Variants in CSTPP1 observed in about 807,000 individuals in gnomAD.
CSTPP1 encodes centriolar satellite-associated tubulin polyglutamylase complex regulator 1.
At chr11:47,112,677 T>A in the CSTPP1 span, among the ~76,000 whole-genome samples, 12 of 152,110 alleles carry the variant, frequency 7.9e-5, no homozygotes, top group Admixed American at 7.9e-4. Context: ...CAAGATAAGC[T>A]CCATGAAGGC....
the CSTPP1 span, chr11:47,155,335 C>T: frequency 7.7e-7 from 1 of 1,300,648 alleles, no homozygotes; most frequent in Admixed American, 1.7e-5. Flanking sequence ...CCCTGCCCAT[C>T]TGTGTGCCTG....
the CSTPP1 span, among the ~76,000 whole-genome samples, chr11:47,049,903 GA>G: frequency 6.6e-6 from 1 of 152,054 alleles, no homozygotes; most frequent in Non-Finnish European, 1.5e-5. Context: ...TAGAAGGTGG[GA>G]AAAGAAGGTG....
chr11:47,133,556 G>T, the CSTPP1 span, among the ~76,000 whole-genome samples: 1 of 152,208 alleles, frequency 6.6e-6, no homozygotes, highest in South Asian at 2.1e-4. Context: ...CCTCTGGCCT[G>T]AGGCTGCTGT....
chr11:47,073,316 G>T, the CSTPP1 span, among the ~76,000 whole-genome samples: 14 of 152,280 alleles, frequency 9.2e-5, no homozygotes, highest in South Asian at 1.7e-3. Context: ...ATGTAATCCG[G>T]TGTCGGGATG....
the CSTPP1 span, among the ~76,000 whole-genome samples, chr11:46,953,140 G>T: frequency 2.6e-5 from 4 of 152,072 alleles, no homozygotes; most frequent in African/African-American, 9.7e-5. Flanking sequence ...GGGCTGCAAG[G>T]CAGGTTGTTA....
the CSTPP1 span, among the ~76,000 whole-genome samples, chr11:47,060,456 T>A: frequency 6.6e-6 from 1 of 151,790 alleles, no homozygotes; most frequent in Non-Finnish European, 1.5e-5. Context: ...TAGGCTGGTC[T>A]CAAACTCCTG....
At chr11:47,005,259 A>G in the CSTPP1 span, among the ~76,000 whole-genome samples, 1 of 152,208 alleles carries the variant, frequency 6.6e-6, no homozygotes, top group Admixed American at 6.5e-5. Context: ...TGATCACTAA[A>G]GCATTCAAAA....
At chr11:46,968,338 T>G in the CSTPP1 span, among the ~76,000 whole-genome samples, 7 of 147,048 alleles carry the variant, frequency 4.8e-5, no homozygotes. Context: ...GGCATAAATA[T>G]ATATATATTT....
chr11:47,101,198 T>TTTTTTTTTTTTG, the CSTPP1 span, among the ~76,000 whole-genome samples: 2 of 138,520 alleles, frequency 1.4e-5, no homozygotes, highest in Admixed American at 7.3e-5. Context: ...TTATTTTATT[T>TTTTTTTTTTTTG]TTAGTAGAGA....
At chr11:46,944,731 TA>T in the CSTPP1 span, among the ~76,000 whole-genome samples, 3 of 152,094 alleles carry the variant, frequency 2.0e-5, no homozygotes, top group South Asian at 4.1e-4. Context: ...GGGTCCCTCC[TA>T]AAGGAGGGAT....
the CSTPP1 span, among the ~76,000 whole-genome samples, chr11:47,039,420 A>G: frequency 7.8e-6 from 1 of 127,576 alleles, no homozygotes; most frequent in African/African-American, 2.5e-5. Context: ...AGGCAGCAGT[A>G]CCGTCCAGCT....
chr11:47,055,891 T>TTTAA, the CSTPP1 span, among the ~76,000 whole-genome samples: 1 of 152,204 alleles, frequency 6.6e-6, no homozygotes, highest in Non-Finnish European at 1.5e-5. Context: ...TGGACTCAAT[T>TTTAA]TTAAGTTAAG....
chr11:46,946,539 T>G, the CSTPP1 span, among the ~76,000 whole-genome samples: 1 of 152,188 alleles, frequency 6.6e-6, no homozygotes, highest in African/African-American at 2.4e-5. Context: ...GCGCCTGTAG[T>G]CCCAGCTACT....
At chr11:47,159,749 T>A in the CSTPP1 span, 1 of 455,804 alleles carries the variant, frequency 2.2e-6, no homozygotes, top group Admixed American at 2.4e-5. Context: ...CTCACGCCTG[T>A]AATCCCAACA....
chr11:47,075,201 A>G, the CSTPP1 span, among the ~76,000 whole-genome samples: 1 of 152,040 alleles, frequency 6.6e-6, no homozygotes, highest in South Asian at 2.1e-4. Flanking sequence ...GTGAAACCCC[A>G]TATCTACTAA....
chr11:47,136,794 C>T, the CSTPP1 span, among the ~76,000 whole-genome samples: 1 of 152,158 alleles, frequency 6.6e-6, no homozygotes, highest in Non-Finnish European at 1.5e-5. Context: ...ATTCGAAATG[C>T]TTTGATATAT....
the CSTPP1 span, among the ~76,000 whole-genome samples, chr11:47,056,756 G>A: frequency 1.3e-5 from 2 of 152,178 alleles, no homozygotes; most frequent in South Asian, 2.1e-4. Context: ...ATTTTAATCC[G>A]GAATTAGTGA....
At chr11:47,164,266 C>CG in the CSTPP1 span, 1 of 1,608,058 alleles carries the variant, frequency 6.2e-7, no homozygotes, top group Non-Finnish European at 8.5e-7. Context: ...CAGGGGCCGG[C>CG]ACTGGGCAGG....
chr11:47,010,414 G>C, the CSTPP1 span, among the ~76,000 whole-genome samples: 7 of 152,216 alleles, frequency 4.6e-5, no homozygotes, highest in Non-Finnish European at 7.3e-5. Flanking sequence ...AAAGAGACTG[G>C]AGTGGAAAGA....
Sources: gnomAD v4.1 joint callset for allele counts (sites outside exome capture counted in the v4.1 genomes callset) on GRCh38, gnomAD v4.1.1 for gene constraint, MANE v1.5 for transcripts, NCBI Gene and HGNC (gene_info 2026-07-23, HGNC 2026-07-21) for gene names.